The following ERBIN variants were observed in gnomAD, a reference collection of about 807,000 sequenced individuals.
The protein encoded by ERBIN is erbb2 interacting protein.
ERBIN carries 60 observed loss-of-function variants against 158.4 expected under a neutral mutation model. The observed-to-expected ratio is 0.38, with a 90% CI of 0.31 to 0.47. ERBIN has a LOEUF of 0.47. ERBIN is among the 20% of genes least tolerant of loss of function. The pLI, the probability that ERBIN is intolerant of heterozygous loss-of-function variation, is 0.99. For synonymous variants in ERBIN, 594 were observed against 557.2 expected, an observed-to-expected ratio of 1.07 and a Z score of -0.93; for missense variants, 1,610 against 1,648.0, an observed-to-expected ratio of 0.98 and a Z score of 0.40.
intron 18 of ERBIN, 135 bp downstream of exon 18, chr5:66,046,673 A>G (rs891322531): frequency 1.1e-5 from 7 of 636,198 alleles, no homozygotes; most frequent in Admixed American, 6.4e-5. Flanking sequence ...CATATCTGCA[A>G]AAATATCACT....
chr5:65,927,868 T>G (rs1453290879), intron 1 of ERBIN, among the ~76,000 whole-genome samples: 1 of 152,186 alleles, frequency 6.6e-6, no homozygotes, highest in Admixed American at 6.5e-5. Context: ...AACCCAAAGT[T>G]TTTTTCAGTG....
intron 21 of ERBIN, among the ~76,000 whole-genome samples, chr5:66,066,677 C>G (rs1761036162): frequency 1.3e-5 from 2 of 152,236 alleles, no homozygotes; most frequent in South Asian, 4.1e-4. Flanking sequence ...TCAGCATTTA[C>G]TAACATTCCT....
chr5:65,994,922 T>C lies in ERBIN; in HGVS notation c.307+58T>C. The C allele has an allele frequency of 3.1e-6, 3 of 974,016 alleles. No homozygotes were observed. In the Admixed American group the frequency reaches 7.0e-5, roughly 23 times the overall value. 60.3% of individuals were successfully genotyped at this position (974,016 alleles called of 1,614,324 possible). ...TTGGGAACATGTTTCATTACTAAGATTTCTATTGAGTTTTCAAAAATAAAA... is the reference window on the plus strand; with the variant it reads ...TTGGGAACATGTTTCATTACTAAGACTTCTATTGAGTTTTCAAAAATAAAA... On this transcript the variant is annotated intron_variant, in intron 4 of 25. Coordinates refer to ENST00000284037, the MANE Select transcript of ERBIN (RefSeq NM_001253697.2).
Position 66,079,942 on chromosome 5 carries a change from A to T in ERBIN, c.*1412A>T, listed in dbSNP as rs921618365. 1 of 152,188 alleles carries T rather than the reference A, an allele frequency of 6.6e-6. No homozygotes were observed. Among genetic ancestry groups the T allele is most frequent in the Non-Finnish European group, 1.5e-5 (1 of 68,020 alleles). 9.4% of individuals were successfully genotyped at this position (152,188 alleles called of 1,614,324 possible). On this transcript the variant is annotated 3_prime_UTR_variant, in exon 26 of 26. Coordinates refer to ENST00000284037, the MANE Select transcript of ERBIN (RefSeq NM_001253697.2). ...TGTAATCAAATAAAATTTGAGTAAC[A>T]TGTAATGGTAAGGATTAATGCATGG...
Position 66,053,944 on chromosome 5 carries a change from A to G in ERBIN, c.2626A>G (p.Met876Val), listed in dbSNP as rs1268216279. 9 of 1,614,000 alleles carry G rather than the reference A, an allele frequency of 5.6e-6. No individual in the cohort carries two copies. Among genetic ancestry groups the G allele is most frequent in the Non-Finnish European group, 7.6e-6 (9 of 1,180,030 alleles). ...SVVKSHSITN[M>V]EIGGLKIYDI... is the part of the protein sequence containing the mutation. ...TGTGAAATCTCATAGCATAACTAAT[A>G]TGGAGATTGGAGGGCTAAAAATCTA... Residue 876 changes from methionine (M) to valine (V), a missense_variant, in exon 21 of 26, where the codon ATG becomes GTG. Around this residue, in one of 2 missense-constraint regions of ERBIN, gnomAD observed 1,014 missense variants for 936.1 expected, o/e 1.08. Transcript: ENST00000284037.
At chr5:65,938,897 T>G (rs571733634) in intron 1 of ERBIN, among the ~76,000 whole-genome samples, 1 of 152,248 alleles carries the variant, frequency 6.6e-6, no homozygotes, top group Non-Finnish European at 1.5e-5. Context: ...ACTACTCTTC[T>G]GCCCCTTGAA....
intron 9 of ERBIN, among the ~76,000 whole-genome samples, chr5:66,023,859 A>G (rs1755955926): frequency 6.6e-6 from 1 of 151,648 alleles, no homozygotes; most frequent in Non-Finnish European, 1.5e-5. Flanking sequence ...TTTATTTTTT[A>G]GTGGAGACGG....
At chr5:66,028,638 C>A (rs1756525590) in intron 14 of ERBIN, among the ~76,000 whole-genome samples, 2 of 152,118 alleles carry the variant, frequency 1.3e-5, no homozygotes, top group African/African-American at 4.8e-5. Context: ...ATCTCATACA[C>A]TTGCCTATTT....
intron 1 of ERBIN, among the ~76,000 whole-genome samples, chr5:65,986,951 A>G (rs1248774306): frequency 6.6e-6 from 1 of 152,118 alleles, no homozygotes; most frequent in Non-Finnish European, 1.5e-5. Context: ...TTGGCTGGTT[A>G]TTAATCCTCA....
intron 3 of ERBIN, 86 bp downstream of exon 3, chr5:65,992,993 C>T: frequency 9.2e-7 from 1 of 1,085,778 alleles, no homozygotes; most frequent in Non-Finnish European, 1.2e-6. Context: ...ATAAAGTTGC[C>T]AATATATTTG....
intron 21 of ERBIN, among the ~76,000 whole-genome samples, chr5:66,071,677 A>G (rs537175118): frequency 5.0e-5 from 7 of 140,436 alleles, no homozygotes; most frequent in South Asian, 2.1e-4. Flanking sequence ...AATTTAGGGG[A>G]AAAAAATCCC....
At chr5:66,013,238 T>C (rs1477420259) in intron 5 of ERBIN, among the ~76,000 whole-genome samples, 1 of 152,244 alleles carries the variant, frequency 6.6e-6, no homozygotes, top group East Asian at 1.9e-4. Context: ...GAGTGCCTGC[T>C]GATTTCAGAG....
At chr5:65,957,635 C>G (rs916610290) in intron 1 of ERBIN, among the ~76,000 whole-genome samples, 5 of 152,224 alleles carry the variant, frequency 3.3e-5, no homozygotes, top group Non-Finnish European at 7.3e-5. Context: ...GACACAGCAA[C>G]AATCTGATTT....
chr5:66,074,762 A>G (rs761352829), intron 22 of ERBIN, among the ~76,000 whole-genome samples: 1 of 152,242 alleles, frequency 6.6e-6, no homozygotes, highest in Non-Finnish European at 1.5e-5. Flanking sequence ...GTAATTTAAA[A>G]TGTAGATATG....
At chr5:65,958,108 C>T (rs1255344393) in intron 1 of ERBIN, among the ~76,000 whole-genome samples, 1 of 150,622 alleles carries the variant, frequency 6.6e-6, no homozygotes, top group Non-Finnish European at 1.5e-5. Context: ...GGATGGCGGC[C>T]GGGAAGAGGC....
At chr5:66,069,168 T>TC in intron 21 of ERBIN, 1 of 689,332 alleles carries the variant, frequency 1.5e-6, no homozygotes, top group Admixed American at 3.6e-5. Context: ...TAGTTCTAAA[T>TC]CTTTCTTCAG....
chr5:66,043,269 A>G lies in ERBIN; in HGVS notation c.1428+71A>G, dbSNP rs533392604. 5.5e-5 allele frequency: 79 copies of G among 1,448,068 alleles called. No individual in the cohort carries two copies. The African/African-American group carries it at 7.2e-4, about 13-fold the overall frequency. 89.7% of individuals were successfully genotyped at this position (1,448,068 alleles called of 1,614,324 possible). ...TATTTAAGTTGGTATTATATATACTATGATGTCTGGGGATATAACAAAGTA... is the reference window on the plus strand; with the variant it reads ...TATTTAAGTTGGTATTATATATACTGTGATGTCTGGGGATATAACAAAGTA... On this transcript the variant is annotated intron_variant, in intron 16 of 25. Transcript: ENST00000284037.
chr5:65,977,079 C>A (rs1420698167), intron 1 of ERBIN, among the ~76,000 whole-genome samples: 1 of 151,964 alleles, frequency 6.6e-6, no homozygotes, highest in East Asian at 1.9e-4. Context: ...CTCCTCACTT[C>A]CCAGTAGGGG....
At chr5:65,943,224 G>A (rs531202851) in intron 1 of ERBIN, among the ~76,000 whole-genome samples, 6 of 152,286 alleles carry the variant, frequency 3.9e-5, no homozygotes, top group Admixed American at 2.6e-4. Flanking sequence ...ATGGATGAGC[G>A]AAATGAATTA....
Sources: gnomAD v4.1 joint callset for allele counts (sites outside exome capture counted in the v4.1 genomes callset) on GRCh38, gnomAD v4.1.1 for gene constraint, gnomAD v4.1.1 regional missense constraint, MANE v1.5 for transcripts, NCBI Gene and HGNC (gene_info 2026-07-23, HGNC 2026-07-21) for gene names.